Variants in RABGAP1L observed in about 807,000 individuals in gnomAD.
RABGAP1L encodes the protein rab GTPase-activating protein 1-like.
In RABGAP1L, 63 loss-of-function variants were observed where a neutral mutation model predicts 137.7. The observed-to-expected ratio is 0.46, with a 90% CI of 0.37 to 0.56. The LOEUF is 0.56. RABGAP1L is among the 20% of genes least tolerant of loss of function. The pLI, the probability that RABGAP1L is intolerant of heterozygous loss-of-function variation, is 0.00. For missense variants in RABGAP1L, 1,095 were observed against 1,244.0 expected, an observed-to-expected ratio of 0.88 and a Z score of 1.80; for synonymous variants, 431 against 433.7, an observed-to-expected ratio of 0.99 and a Z score of 0.08.
At position 174,700,975 on chromosome 1, in the gene RABGAP1L, A is replaced by T. The variant is rs114085642; in HGVS notation, c.2026-1138A>T. ...ATTTTTCTGTTAGCAGTTTTTTTTCAGTTAACTGAATGAGCATTTGGACGT... is the reference window on the plus strand; with the variant it reads ...ATTTTTCTGTTAGCAGTTTTTTTTCTGTTAACTGAATGAGCATTTGGACGT... On this transcript the variant is annotated intron_variant, in intron 16 of 25. Transcript: ENST00000681986. 2.7e-4 allele frequency: 281 copies of T among 1,050,256 alleles called. 3 individuals carry two copies. In the African/African-American group the frequency reaches 4.2e-3, roughly 16 times the overall value. The allele number at this position is 1,050,256 out of a possible 1,614,324, so 65.1% of individuals were successfully genotyped here. A position where few individuals can be genotyped will look rare whatever the true frequency, so the allele number is the denominator to read the frequency against.
chr1:174,854,359 T>A (rs1648892730), intron 19 of RABGAP1L, among the ~76,000 whole-genome samples: 1 of 152,194 alleles, frequency 6.6e-6, no homozygotes. Context: ...GGCTAGAGAA[T>A]GTCACAGAGG....
chr1:174,448,072 G>T lies in RABGAP1L; in HGVS notation c.1710+53927G>T, dbSNP rs1327619242. 4.5e-6 allele frequency: 7 copies of T among 1,565,820 alleles called. No homozygotes were observed. The highest frequency in any genetic ancestry group is 6.1e-6 in the Non-Finnish European group (7 of 1,151,836). On this transcript the variant is annotated intron_variant, in intron 13 of 25. Transcript: ENST00000681986. This position sits in a 1 kb window ranked among gnomAD's most constrained non-coding sequence, Gnocchi z 4.2. Reference sequence around the variant, plus strand: ...CAGATGCTGGGCAGGGCATCTGCTTGCTGTAGCCAAGTCTGCAGGTGTCTT... The same window carrying T: ...CAGATGCTGGGCAGGGCATCTGCTTTCTGTAGCCAAGTCTGCAGGTGTCTT...
intron 14 of RABGAP1L, among the ~76,000 whole-genome samples, chr1:174,670,948 G>A (rs1677132933): frequency 1.3e-5 from 2 of 151,952 alleles, no homozygotes; most frequent in Admixed American, 6.6e-5. Context: ...TCCATTTTTA[G>A]TGTTTTGAGG....
At chr1:174,260,777 A>C (rs1673517200) in intron 7 of RABGAP1L, among the ~76,000 whole-genome samples, 1 of 152,172 alleles carries the variant, frequency 6.6e-6, no homozygotes. Context: ...ACCTAAATGC[A>C]CTATTACTAG....
At chr1:174,561,351 A>G (rs1264183293) in intron 13 of RABGAP1L, among the ~76,000 whole-genome samples, 1 of 152,244 alleles carries the variant, frequency 6.6e-6, no homozygotes. Flanking sequence ...GCTCAAGGAA[A>G]TAAGAGAGGA....
At chr1:174,912,285 G>T (rs1300203388) in intron 19 of RABGAP1L, among the ~76,000 whole-genome samples, 2 of 152,114 alleles carry the variant, frequency 1.3e-5, no homozygotes, top group East Asian at 3.9e-4. Context: ...GGGACTACCA[G>T]TGCATGCCAC....
intron 13 of RABGAP1L, among the ~76,000 whole-genome samples, chr1:174,540,417 A>C (rs1665281049): frequency 6.6e-6 from 1 of 152,162 alleles, no homozygotes; most frequent in Non-Finnish European, 1.5e-5. Flanking sequence ...TAGGGTTTTT[A>C]TGGTTTTAGG....
intron 13 of RABGAP1L, among the ~76,000 whole-genome samples, chr1:174,521,874 T>C (rs1193204698): frequency 1.3e-5 from 2 of 152,018 alleles, no homozygotes; most frequent in Admixed American, 1.3e-4. Flanking sequence ...AGGTCAGAAG[T>C]TCGAGACCAG....
chr1:174,992,610 C>T lies in RABGAP1L; in HGVS notation c.*2609C>T, dbSNP rs928869576. ...TGTTGGTACCATAAGCCTAAACTCT[C>T]CTTCACTGCAATGCCTTTGAGTCAG... On this transcript the variant is annotated 3_prime_UTR_variant, in exon 26 of 26. Transcript: ENST00000681986. The T allele has an allele frequency of 2.0e-5, 3 of 151,956 alleles. No homozygotes were observed. Among genetic ancestry groups the T allele is most frequent in the African/African-American group, 7.3e-5 (3 of 41,350 alleles). The allele number at this position is 151,956 out of a possible 1,614,324, so 9.4% of individuals were successfully genotyped here. A position where few individuals can be genotyped will look rare whatever the true frequency, so the allele number is the denominator to read the frequency against.
chr1:174,585,056 AAG>A (rs1362937237), intron 13 of RABGAP1L, among the ~76,000 whole-genome samples: 2 of 152,236 alleles, frequency 1.3e-5, no homozygotes, highest in East Asian at 3.8e-4. Flanking sequence ...TAGTATTAAA[AAG>A]AGAATGTAAA....
chr1:174,980,062 T>A (rs1670960632), intron 23 of RABGAP1L, among the ~76,000 whole-genome samples: 1 of 152,166 alleles, frequency 6.6e-6, no homozygotes, highest in African/African-American at 2.4e-5. Flanking sequence ...AGAAAACAAA[T>A]CTCCCTCAGT....
intron 3 of RABGAP1L, among the ~76,000 whole-genome samples, chr1:174,230,873 A>C (rs535868933): frequency 2.6e-5 from 4 of 152,042 alleles, no homozygotes; most frequent in Non-Finnish European, 5.9e-5. Flanking sequence ...TTTTTCTCTC[A>C]TCTGAAGAAC....
In RABGAP1L at chr1:174,400,871, A is replaced by G. The variant is rs182846083; in HGVS notation, c.1710+6726A>G. Among the ~76,000 whole-genome samples the G allele has an allele frequency of 4.0e-4, 61 of 152,278 alleles. No individual in the cohort carries two copies. In the East Asian group the frequency reaches 6.9e-3, roughly 17 times the overall value. Reference sequence around the variant, plus strand: ...AACATAGAATAGGGCCGGGATTACAATGTGGAACAATTATACTTTATATGG... The same window carrying G: ...AACATAGAATAGGGCCGGGATTACAGTGTGGAACAATTATACTTTATATGG... On this transcript the variant is annotated intron_variant, in intron 13 of 25. Coordinates refer to ENST00000681986, the MANE Select transcript of RABGAP1L (RefSeq NM_001366446.1).
At chr1:174,443,127 G>A (rs1654343980) in intron 13 of RABGAP1L, among the ~76,000 whole-genome samples, 1 of 151,974 alleles carries the variant, frequency 6.6e-6, no homozygotes, top group Non-Finnish European at 1.5e-5. Context: ...TGTCTTGATG[G>A]ACACTTAGGT....
At chr1:174,317,666 G>T (rs1679511019) in intron 11 of RABGAP1L, among the ~76,000 whole-genome samples, 2 of 152,146 alleles carry the variant, frequency 1.3e-5, no homozygotes, top group Non-Finnish European at 2.9e-5. Context: ...AGTATGTCAT[G>T]TTTCCCCCCA....
intron 18 of RABGAP1L, among the ~76,000 whole-genome samples, chr1:174,770,755 T>A (rs1480985918): frequency 6.6e-6 from 1 of 152,206 alleles, no homozygotes; most frequent in African/African-American, 2.4e-5. Context: ...TCTGCCCCCA[T>A]TCCAAGGCTA....
intron 17 of RABGAP1L, among the ~76,000 whole-genome samples, chr1:174,708,547 G>A (rs1047941627): frequency 6.6e-6 from 1 of 152,118 alleles, no homozygotes; most frequent in Non-Finnish European, 1.5e-5. Flanking sequence ...AGGGGTCAAG[G>A]AACTCCCTCC....
intron 19 of RABGAP1L, among the ~76,000 whole-genome samples, chr1:174,832,300 A>AAAAAAG (rs149222282): frequency 1.4e-5 from 2 of 147,582 alleles, no homozygotes; most frequent in Non-Finnish European, 3.0e-5. Context: ...CTCAAAAAAG[A>AAAAAAG]AAAAAGAAAA....
intron 19 of RABGAP1L, among the ~76,000 whole-genome samples, chr1:174,903,913 G>T (rs934507829): frequency 8.7e-5 from 13 of 150,112 alleles, no homozygotes; most frequent in African/African-American, 3.0e-4. Context: ...TCGCGCCATT[G>T]CACTCCAGCC....
Sources: gnomAD v4.1 joint callset for allele counts (sites outside exome capture counted in the v4.1 genomes callset) on GRCh38, gnomAD v4.1.1 for gene constraint, Gnocchi (gnomAD v3.1) non-coding constraint, MANE v1.5 for transcripts, NCBI Gene and HGNC (gene_info 2026-07-23, HGNC 2026-07-21) for gene names.